PAH: variants seen among roughly 807,000 people sequenced by gnomAD.
PAH encodes the protein phenylalanine-4-hydroxylase.
Under a neutral mutation model 62.0 loss-of-function variants are expected in PAH, and 64 were observed. The ratio of observed to expected loss-of-function variants is 1.03; its 90% confidence interval spans 0.84 to 1.27. The LOEUF (loss-of-function observed/expected upper bound fraction) is 1.27, where lower values mean the gene tolerates loss of function less well. Ranked by LOEUF, PAH falls within the 50% of genes most tolerant of loss-of-function variation. PAH has a pLI of 0.00. For synonymous variants in PAH, 195 were observed against 196.2 expected (o/e 0.99, Z 0.05); for missense variants, 579 against 542.8 (o/e 1.07, Z -0.66).
At chr12:102,883,001 G>C (rs1050156728) in intron 3 of PAH, among the ~76,000 whole-genome samples, 2 of 152,090 alleles carry the variant, frequency 1.3e-5, no homozygotes, top group African/African-American at 4.8e-5. Flanking sequence ...GAGGGAGGAG[G>C]AAAGAACAGA....
chr12:102,949,468 T>C (rs947775084), intron 1 of PAH, among the ~76,000 whole-genome samples: 1 of 152,222 alleles, frequency 6.6e-6, no homozygotes, highest in Non-Finnish European at 1.5e-5. Context: ...GGAGGCATCT[T>C]ACTCAACCCT....
chr12:102,939,980 G>C (rs1222991301), intron 1 of PAH, among the ~76,000 whole-genome samples: 1 of 152,200 alleles, frequency 6.6e-6, no homozygotes, highest in Non-Finnish European at 1.5e-5. Context: ...AGGAAATACA[G>C]AGGAGCCATG....
intron 3 of PAH, among the ~76,000 whole-genome samples, chr12:102,890,961 T>C (rs1343143269): frequency 1.4e-4 from 22 of 152,102 alleles, no homozygotes; most frequent in Admixed American, 1.4e-3. Flanking sequence ...CATGTGCCTG[T>C]AATCTCAGCT....
At chr12:102,840,666 T>G in intron 11 of PAH, 151 bp from the exon 12 acceptor site, 1 of 690,980 alleles carries the variant, frequency 1.4e-6, no homozygotes. Flanking sequence ...GCGGGGGGAA[T>G]GGAGTTTTAA....
At chr12:102,882,584 A>G (rs1172535176) in intron 3 of PAH, among the ~76,000 whole-genome samples, 1 of 149,886 alleles carries the variant, frequency 6.7e-6, no homozygotes, top group Non-Finnish European at 1.5e-5. Flanking sequence ...ATGTATATAT[A>G]CACATACACG....
intron 3 of PAH, among the ~76,000 whole-genome samples, chr12:102,882,678 A>C (rs1191129244): frequency 1.5e-4 from 3 of 19,512 alleles, no homozygotes; most frequent in Non-Finnish European, 2.4e-4. Flanking sequence ...ATATATATAA[A>C]ATTTTTTTCT....
At chr12:102,861,353 A>T (rs1334486371) in intron 5 of PAH, among the ~76,000 whole-genome samples, 1 of 152,204 alleles carries the variant, frequency 6.6e-6, no homozygotes. Context: ...GAGGATATGG[A>T]GAAATAGGAA....
In PAH at chr12:102,901,960, A is replaced by C. The variant is rs1404664900; in HGVS notation, c.169-7042T>G. On this transcript the variant is annotated intron_variant, in intron 2 of 12. Coordinates refer to ENST00000553106, the MANE Select transcript of PAH (RefSeq NM_000277.3). ...TATGTTCTCAAAGGAGGAGACAAAC[A>C]GTAGTTATGGTAAATAAGTAAAATA... Among the ~76,000 whole-genome samples, 3 of 152,218 alleles carry C rather than the reference A, an allele frequency of 2.0e-5. No homozygotes were observed. The East Asian group carries it at 5.8e-4, about 29-fold the overall frequency.
chr12:102,894,588 C>T (rs950651074), intron 3 of PAH, 147 bp downstream of exon 3: 2 of 660,038 alleles, frequency 3.0e-6, no homozygotes, highest in East Asian at 2.8e-5. Context: ...ATTTCCAATA[C>T]ATATATATTA....
At chr12:102,890,138 T>C (rs1166822314) in intron 3 of PAH, among the ~76,000 whole-genome samples, 2 of 152,218 alleles carry the variant, frequency 1.3e-5, no homozygotes, top group Admixed American at 6.5e-5. Flanking sequence ...TGAAAAACTT[T>C]TATTTTCTAT....
intron 1 of PAH, among the ~76,000 whole-genome samples, chr12:102,944,453 C>G (rs2136766222): frequency 6.6e-6 from 1 of 152,210 alleles, no homozygotes; most frequent in East Asian, 1.9e-4. Flanking sequence ...TTCTTTTTTA[C>G]TCTTCTGTCT....
At chr12:102,840,647 A>T in intron 11 of PAH, 132 bp from the exon 12 acceptor site, 1 of 716,848 alleles carries the variant, frequency 1.4e-6, no homozygotes, top group Non-Finnish European at 2.6e-6. Context: ...TTCAACAGCC[A>T]GGGCTGAGGC....
rs62507334 is a variant in PAH at position 102,843,793 on chromosome 12, G to A, written c.1066-14C>T. The A allele has an allele frequency of 6.2e-7, 1 of 1,613,058 alleles. No individual in the cohort carries two copies. On this transcript the variant is annotated splice_polypyrimidine_tract_variant and intron_variant, in intron 10 of 12. Coordinates refer to ENST00000553106, the MANE Select transcript of PAH (RefSeq NM_000277.3). ...TGATAAGCAGTACTGTAGGCCCCAA[G>A]TGAAAAGTTATTATCACTGTTAAAT...
chr12:102,881,234 G>A (rs557854933), intron 3 of PAH, among the ~76,000 whole-genome samples: 8 of 151,204 alleles, frequency 5.3e-5, no homozygotes, highest in African/African-American at 4.8e-5. Flanking sequence ...GGCTGGTCTC[G>A]AACTCCTGAC....
chr12:102,911,443 C>T (rs35780730), intron 2 of PAH, among the ~76,000 whole-genome samples: 4 of 151,882 alleles, frequency 2.6e-5, no homozygotes, highest in East Asian at 3.9e-4. Flanking sequence ...TGATTTCTTC[C>T]GTATTTACTA....
At chr12:102,942,591 A>G (rs71466253) in intron 1 of PAH, among the ~76,000 whole-genome samples, 418 of 152,312 alleles carry the variant, frequency 2.7e-3, no homozygotes, top group Non-Finnish European at 4.6e-3. Flanking sequence ...AAACCAAAAA[A>G]GAACCTAGGT....
chr12:102,853,333 G>T (rs1469405199), intron 6 of PAH: 1 of 326,232 alleles, frequency 3.1e-6, no homozygotes, highest in Non-Finnish European at 5.9e-6. Context: ...CTTCTAGAGT[G>T]AAGAGGGAAT....
At chr12:102,928,338 A>G (rs1056364855) in intron 1 of PAH, among the ~76,000 whole-genome samples, 1 of 152,188 alleles carries the variant, frequency 6.6e-6, no homozygotes, top group African/African-American at 2.4e-5. Flanking sequence ...TTTTAAATGT[A>G]CAATAAATTA....
At chr12:102,864,497 C>T (rs934259034) in intron 5 of PAH, among the ~76,000 whole-genome samples, 6 of 152,064 alleles carry the variant, frequency 3.9e-5, no homozygotes, top group East Asian at 1.9e-4. Flanking sequence ...CTAACCCTGC[C>T]GCTTCCTAAC....
Sources: allele counts gnomAD v4.1 joint callset (sites outside exome capture counted in the v4.1 genomes callset), GRCh38; gene constraint gnomAD v4.1.1; transcripts MANE v1.5; gene names NCBI Gene and HGNC (gene_info 2026-07-23, HGNC 2026-07-21).